Variants in NRG1 observed in about 807,000 individuals in gnomAD.
NRG1 encodes the protein neuregulin 1.
A neutral mutation model predicts 63.8 loss-of-function variants in NRG1; 18 were observed. That is an observed-to-expected ratio of 0.28 (90% confidence interval 0.19 to 0.42). The LOEUF (loss-of-function observed/expected upper bound fraction) is 0.42, where lower values mean the gene tolerates loss of function less well. Ranked by LOEUF, NRG1 falls within the 10% of genes least tolerant of loss-of-function variation. NRG1 has a pLI of 1.00. For synonymous variants in NRG1, 302 were observed against 301.3 expected, an observed-to-expected ratio of 1.00 and a Z score of -0.02; for missense variants, 762 against 814.7, an observed-to-expected ratio of 0.94 and a Z score of 0.79.
chr8:32,386,079 G>A (rs1334608568), intron 1 of NRG1, among the ~76,000 whole-genome samples: 2 of 152,078 alleles, frequency 1.3e-5, no homozygotes, highest in East Asian at 1.9e-4. Flanking sequence ...GATTTTAGTT[G>A]CCATTAGCAG....
chr8:32,264,400 G>A (rs1850700169), intron 1 of NRG1, among the ~76,000 whole-genome samples: 1 of 152,010 alleles, frequency 6.6e-6, no homozygotes. Flanking sequence ...GGTAACATTA[G>A]CACAAAAAAA....
At chr8:32,226,554 CT>C (rs1255414391) in intron 1 of NRG1, among the ~76,000 whole-genome samples, 1 of 152,146 alleles carries the variant, frequency 6.6e-6, no homozygotes, top group East Asian at 1.9e-4. Context: ...GGTTCCAGTC[CT>C]TTTTTTCTAA....
chr8:32,515,998 A>G (rs1055517000), intron 1 of NRG1, among the ~76,000 whole-genome samples: 1 of 152,184 alleles, frequency 6.6e-6, no homozygotes, highest in African/African-American at 2.4e-5. Context: ...AGGCCAATGT[A>G]CAGAATGGTA....
intron 1 of NRG1, among the ~76,000 whole-genome samples, chr8:32,224,004 AC>A (rs1846079922): frequency 6.6e-6 from 1 of 152,100 alleles, no homozygotes; most frequent in Admixed American, 6.6e-5. Flanking sequence ...TTTGTTTATA[AC>A]CGGCAGTAGG....
intron 1 of NRG1, among the ~76,000 whole-genome samples, chr8:32,365,429 A>T (rs1051061573): frequency 2.0e-5 from 3 of 151,810 alleles, no homozygotes; most frequent in African/African-American, 7.3e-5. Context: ...CTCCTTTCAC[A>T]TATGGCCTCT....
chr8:31,977,310 C>G (rs1189522753), intron 1 of NRG1, among the ~76,000 whole-genome samples: 1 of 152,092 alleles, frequency 6.6e-6, no homozygotes, highest in Non-Finnish European at 1.5e-5. Flanking sequence ...CTTCCCTTCT[C>G]TTTTGTTTGT....
chr8:32,093,194 G>A (rs762804149), intron 1 of NRG1, among the ~76,000 whole-genome samples: 16 of 152,260 alleles, frequency 1.1e-4, no homozygotes, highest in Non-Finnish European at 2.1e-4. Flanking sequence ...CCGTGTGCTC[G>A]CAGAGACATG....
chr8:32,523,895 A>G (rs10092055), intron 1 of NRG1, among the ~76,000 whole-genome samples: 115,728 of 152,028 alleles, frequency 0.76, 44,244 homozygotes, highest in East Asian at 0.88. Context: ...TAGGAGTTGC[A>G]AACAGTAGGT....
At position 32,689,363 on chromosome 8, in the gene NRG1, CCTTT is replaced by C. The variant is rs902954457; in HGVS notation, c.503-38578_503-38575del. On this transcript the variant is annotated intron_variant, in intron 5 of 11. Transcript: ENST00000356819. ...CATAAATGTGACATGATAAAAATTA[CCTTT>C]CTTTCTTAATATTTGAAAATAACAT... Among the ~76,000 whole-genome samples the C allele has an allele frequency of 1.4e-3, 207 of 150,760 alleles. 1 individual carries two copies. The highest frequency in any genetic ancestry group is 4.7e-3 in the African/African-American group (195 of 41,160).
intron 1 of NRG1, among the ~76,000 whole-genome samples, chr8:31,953,446 C>A (rs1803814938): frequency 6.6e-6 from 1 of 152,086 alleles, no homozygotes; most frequent in South Asian, 2.1e-4. Context: ...GGTAGAGGTG[C>A]TTGGATAAGA....
chr8:32,111,212 G>A (rs900881110), intron 1 of NRG1, among the ~76,000 whole-genome samples: 1 of 152,102 alleles, frequency 6.6e-6, no homozygotes, highest in African/African-American at 2.4e-5. Context: ...TGCCTCCCGG[G>A]TTCAAGCAAT....
At chr8:31,832,522 G>GT (rs1249427258) in intron 1 of NRG1, among the ~76,000 whole-genome samples, 2 of 152,042 alleles carry the variant, frequency 1.3e-5, no homozygotes, top group Non-Finnish European at 2.9e-5. Flanking sequence ...GCCTCCCAAA[G>GT]TGCTGGGATT....
At chr8:32,631,146 C>T (rs1238044283) in intron 5 of NRG1, among the ~76,000 whole-genome samples, 1 of 149,828 alleles carries the variant, frequency 6.7e-6, no homozygotes, top group African/African-American at 2.4e-5. Flanking sequence ...CATTTATGTA[C>T]AGATACTGTA....
intron 1 of NRG1, among the ~76,000 whole-genome samples, chr8:32,149,889 CA>C (rs1478037049): frequency 2.2e-4 from 34 of 152,266 alleles, no homozygotes; most frequent in Non-Finnish European, 4.3e-4. Flanking sequence ...ACATAAAATT[CA>C]AGAGGAATAC....
At chr8:31,823,418 A>G (rs550325969) in intron 1 of NRG1, among the ~76,000 whole-genome samples, 1 of 152,256 alleles carries the variant, frequency 6.6e-6, no homozygotes, top group South Asian at 2.1e-4. Context: ...TATAGTTCAC[A>G]CAATTCAGGC....
intron 5 of NRG1, among the ~76,000 whole-genome samples, chr8:32,626,402 C>T (rs181538622): frequency 8.3e-4 from 125 of 151,172 alleles, no homozygotes; most frequent in African/African-American, 2.5e-3. Context: ...AAAAGCCAGC[C>T]GGGTGCGGTG....
intron 1 of NRG1, chr8:32,256,695 A>C (rs964503881): frequency 2.0e-5 from 3 of 152,552 alleles, no homozygotes; most frequent in Non-Finnish European, 4.4e-5. Flanking sequence ...TGCCAGCTGG[A>C]GCTCTCTTGT....
At chr8:32,393,406 C>G (rs1812028275) in intron 1 of NRG1, among the ~76,000 whole-genome samples, 1 of 152,184 alleles carries the variant, frequency 6.6e-6, no homozygotes, top group African/African-American at 2.4e-5. Context: ...AGGAATATAA[C>G]TGTTCTACCA....
intron 1 of NRG1, among the ~76,000 whole-genome samples, chr8:31,852,436 G>A (rs1252178188): frequency 5.9e-5 from 9 of 152,252 alleles, no homozygotes; most frequent in East Asian, 1.9e-4. Flanking sequence ...CACGTCCTAC[G>A]CCCACTTCTT....
Sources: gnomAD v4.1 joint callset for allele counts (sites outside exome capture counted in the v4.1 genomes callset) on GRCh38, gnomAD v4.1.1 for gene constraint, MANE v1.5 for transcripts, NCBI Gene and HGNC (gene_info 2026-07-23, HGNC 2026-07-21) for gene names.